Variants in HS3ST6 observed in about 807,000 individuals in gnomAD.
HS3ST6 encodes the protein heparan sulfate glucosamine 3-O-sulfotransferase 6.
HS3ST6 carries 13 observed loss-of-function variants against 11.0 expected under a neutral mutation model. The ratio of observed to expected loss-of-function variants is 1.18; its 90% CI spans 0.77 to 1.88. The LOEUF is 1.88. HS3ST6 is among the 40% of genes most tolerant of loss of function. HS3ST6 has a pLI of 0.00. For missense variants in HS3ST6, 541 were observed against 494.4 expected, an observed-to-expected ratio of 1.09 and a Z score of -0.89; for synonymous variants, 232 against 230.6, an observed-to-expected ratio of 1.01 and a Z score of -0.06.
At chr16:1,913,382 G>A (rs970279239) in intron 1 of HS3ST6, among the ~76,000 whole-genome samples, 1 of 152,190 alleles carries the variant, frequency 6.6e-6, no homozygotes, top group Non-Finnish European at 1.5e-5. Context: ...GCCGACCACA[G>A]CCCAGGACTG....
chr16:1,918,271 C>G lies in HS3ST6; in HGVS notation c.53G>C (p.Gly18Ala), dbSNP rs2082941164. The stretch of plus-strand genomic sequence containing the variant: ...CCGCAGAGCGGCCCCTTGCCCGGCC[C>G]CTGCGCCCTGGCCGCCCCCGGCCCC... ...GGGAGGGQGAGAGQGAALRAS... is the reference protein window; with the variant it reads ...GGGAGGGQGAAAGQGAALRAS... Residue 18 changes from glycine to alanine, a missense_variant, in exon 1 of 2, where the codon GGG becomes GCG. Transcript: ENST00000454677. This position sits in a 1 kb window ranked among gnomAD's most constrained non-coding sequence, Gnocchi z 6.0. The G allele has an allele frequency of 1.0e-6, 1 of 953,988 alleles. No individual in the cohort carries two copies. Among genetic ancestry groups the G allele is most frequent in the Admixed American group, 6.0e-5 (1 of 16,640 alleles). The allele number at this position is 953,988 out of a possible 1,614,324, so 59.1% of individuals were successfully genotyped here. A position where few individuals can be genotyped will look rare whatever the true frequency, so the allele number is the denominator to read the frequency against.
Position 1,911,692 on chromosome 16 carries a change from G to C in HS3ST6, c.927C>G (p.His309Gln), listed in dbSNP as rs754130268. 6.2e-7 allele frequency: 1 copy of C among 1,612,158 alleles called. No individual in the cohort carries two copies. The highest frequency in any genetic ancestry group is 1.1e-5 in the South Asian group (1 of 90,968). The change falls in exon 2 of 2, where the codon CAC becomes CAG. Residue 309 changes from histidine to glutamine, a missense_variant. Coordinates refer to ENST00000454677, the MANE Select transcript of HS3ST6 (RefSeq NM_001009606.4). ...RCLGKSKGRP[H>Q]PRVPQALVRR... ...GGACCAGGGCCTGGGGCACGCGTGG[G>C]TGTGGCCGGCCCTTGGACTTGCCCA... is the stretch of plus-strand genomic sequence containing the variant.
At position 1,911,681 on chromosome 16, in the gene HS3ST6, G is replaced by C. The variant is rs1359916694; in HGVS notation, c.938C>G (p.Pro313Arg). The C allele has an allele frequency of 6.2e-7, 1 of 1,611,620 alleles. No individual in the cohort carries two copies. Among genetic ancestry groups the C allele is most frequent in the African/African-American group, 1.3e-5 (1 of 74,884 alleles). ...KSKGRPHPRV[P>R]QALVRRLQEF... ...CTGCAGGCGCCGGACCAGGGCCTGGGGCACGCGTGGGTGTGGCCGGCCCTT... is the reference window on the plus strand; with the variant it reads ...CTGCAGGCGCCGGACCAGGGCCTGGCGCACGCGTGGGTGTGGCCGGCCCTT... Residue 313 changes from proline (P) to arginine (R), a missense_variant, in exon 2 of 2, where the codon CCC (proline) becomes CGC (arginine). Physicochemically the swap from Pro to Arg is moderately radical, Grantham distance 103. Coordinates refer to ENST00000454677, the MANE Select transcript of HS3ST6 (RefSeq NM_001009606.4).
In HS3ST6 at chr16:1,912,477, G is replaced by C. The variant is rs1434277179; in HGVS notation, c.414-272C>G. Among the ~76,000 whole-genome samples, 2 of 152,148 alleles carry C rather than the reference G, an allele frequency of 1.3e-5. No homozygotes were observed. Among genetic ancestry groups the C allele is most frequent in the African/African-American group, 2.4e-5 (1 of 41,434 alleles). The stretch of plus-strand genomic sequence containing the variant: ...TGCTGCACTGAGGATTAGGGTGACG[G>C]TCGCTGGTCGGGAGGCCCAAATGCT... On this transcript the variant is annotated intron_variant, in intron 1 of 1. Transcript: ENST00000454677. The surrounding 1 kb of genome is among the most constrained non-coding windows in gnomAD (Gnocchi z 5.6).
chr16:1,911,649 A>G lies in HS3ST6; in HGVS notation c.970T>C (p.Tyr324His), dbSNP rs1268274814. Residue 324 changes from tyrosine to histidine, a missense_variant, in exon 2 of 2, where the codon TAC (tyrosine) becomes CAC (histidine). Tyr to His is a moderately conservative substitution (Grantham distance 83). Transcript: ENST00000454677. ...TAGAACCTGCGGTTGAAGGGCCGGT[A>G]GAACTCCTGCAGGCGCCGGACCAGG... ...QALVRRLQEFYRPFNRRFYQM... is the reference protein window; with the variant it reads ...QALVRRLQEFHRPFNRRFYQM... The G allele has an allele frequency of 6.2e-7, 1 of 1,610,234 alleles. No individual in the cohort carries two copies. The highest frequency in any genetic ancestry group is 1.3e-5 in the African/African-American group (1 of 74,862).
chr16:1,919,073 GA>G (rs1180839501), upstream of HS3ST6, among the ~76,000 whole-genome samples: 2 of 152,228 alleles, frequency 1.3e-5, no homozygotes, highest in Non-Finnish European at 2.9e-5. Flanking sequence ...CAGGCTCAGA[GA>G]AAATAGGTTT....
upstream of HS3ST6, among the ~76,000 whole-genome samples, chr16:1,919,896 A>T (rs543992032): frequency 1.3e-5 from 2 of 152,332 alleles, no homozygotes; most frequent in South Asian, 2.1e-4. Context: ...ATGCTGGCTT[A>T]TGCTGGGTCA....
At chr16:1,914,383 C>T (rs576972446) in intron 1 of HS3ST6, among the ~76,000 whole-genome samples, 3 of 152,168 alleles carry the variant, frequency 2.0e-5, no homozygotes, top group Admixed American at 1.3e-4. Flanking sequence ...CCCCCCACCA[C>T]GGGACCTCGC....
At chr16:1,919,420 G>C (rs2082948963), upstream of HS3ST6, among the ~76,000 whole-genome samples, 1 of 151,984 alleles carries the variant, frequency 6.6e-6, no homozygotes, top group South Asian at 2.1e-4. Context: ...CAGGGGAGGC[G>C]AGCCGGGCTC....
Position 1,918,030 on chromosome 16 carries a change from C to G in HS3ST6, c.294G>C (p.Val98=). 2.0e-6 allele frequency: 3 copies of G among 1,531,078 alleles called. No homozygotes were observed. Among genetic ancestry groups the G allele is most frequent in the Non-Finnish European group, 2.6e-6 (3 of 1,146,780 alleles). The allele number at this position is 1,531,078 out of a possible 1,614,324, so 94.8% of individuals were successfully genotyped here. The part of the protein sequence containing the change: ...RRFPQALIVG[V]KKGGTRALLE... ...GCAGGGCGCGCGTGCCGCCCTTCTT[C>G]ACGCCAACGATGAGCGCTTGCGGGA... The change falls in exon 1 of 2, where the codon GTG becomes GTC. Residue 98 remains valine (V), a synonymous_variant. Transcript: ENST00000454677. This position sits in a 1 kb window ranked among gnomAD's most constrained non-coding sequence, Gnocchi z 6.0.
intron 1 of HS3ST6, among the ~76,000 whole-genome samples, chr16:1,916,488 T>C (rs1295697256): frequency 6.6e-6 from 1 of 151,170 alleles, no homozygotes; most frequent in Admixed American, 6.6e-5. Context: ...CCTCTCATCC[T>C]CCCCAAACTG....
upstream of HS3ST6, among the ~76,000 whole-genome samples, chr16:1,918,628 C>G (rs960341520): frequency 6.6e-6 from 1 of 152,002 alleles, no homozygotes. The surrounding 1 kb of genome is among the most constrained non-coding windows in gnomAD (Gnocchi z 6.0). Context: ...GGCCCTGGCT[C>G]GCTTGACTCC....
chr16:1,917,931 C>A lies in HS3ST6; in HGVS notation c.393G>T (p.Glu131Asp). ...SEPHFFDRCY[E>D]RGLAWYRSLM... Reference sequence around the variant, plus strand: ...CTCACCGGTACCAGGCGAGGCCGCGCTCGTAGCACCTGTCGAAGAAGTGGG... The same window carrying A: ...CTCACCGGTACCAGGCGAGGCCGCGATCGTAGCACCTGTCGAAGAAGTGGG... Residue 131 changes from glutamate to aspartate, a missense_variant, in exon 1 of 2, where the codon GAG (glutamate) becomes GAT (aspartate). Physicochemically the swap from Glu to Asp is conservative, Grantham distance 45 (BLOSUM62 2). Coordinates refer to ENST00000454677, the MANE Select transcript of HS3ST6 (RefSeq NM_001009606.4). The A allele has an allele frequency of 1.3e-6, 2 of 1,492,748 alleles. No homozygotes were observed. Among genetic ancestry groups the A allele is most frequent in the South Asian group, 1.3e-5 (1 of 78,464 alleles). The allele number at this position is 1,492,748 out of a possible 1,614,324, so 92.5% of individuals were successfully genotyped here.
intron 1 of HS3ST6, among the ~76,000 whole-genome samples, chr16:1,913,196 C>T (rs1441451831): frequency 6.6e-6 from 1 of 152,224 alleles, no homozygotes; most frequent in African/African-American, 2.4e-5. Context: ...TGAGGAAAGT[C>T]GGAGACGTGG....
upstream of HS3ST6, among the ~76,000 whole-genome samples, chr16:1,920,089 C>T (rs2082953342): frequency 1.3e-5 from 2 of 148,842 alleles, no homozygotes; most frequent in South Asian, 2.2e-4. Flanking sequence ...CTCAGCTGTC[C>T]CCAGGGTCTC....
chr16:1,912,098 G>C lies in HS3ST6; in HGVS notation c.521C>G (p.Thr174Arg), dbSNP rs1397336551. The C allele has an allele frequency of 2.0e-6, 3 of 1,507,744 alleles. No individual in the cohort carries two copies. The highest frequency in any genetic ancestry group is 1.4e-5 in the South Asian group (1 of 73,746). The allele number at this position is 1,507,744 out of a possible 1,614,324, so 93.4% of individuals were successfully genotyped here. A position where few individuals can be genotyped will look rare whatever the true frequency, so the allele number is the denominator to read the frequency against. ...PRRIHAMSPD[T>R]KLIVVVRNPV... ...GTTCCGCACCACCACGATCAGCTTC[G>C]TGTCCGGGGACATGGCGTGGATGCG... Residue 174 changes from threonine to arginine, a missense_variant, in exon 2 of 2, where the codon ACG becomes AGG. Coordinates refer to ENST00000454677, the MANE Select transcript of HS3ST6 (RefSeq NM_001009606.4). This position sits in a 1 kb window ranked among gnomAD's most constrained non-coding sequence, Gnocchi z 5.6.
chr16:1,913,850 C>T (rs2082908646), intron 1 of HS3ST6, among the ~76,000 whole-genome samples: 1 of 152,120 alleles, frequency 6.6e-6, no homozygotes, highest in Non-Finnish European at 1.5e-5. Context: ...GTGGAGAGCG[C>T]TGGAGGTGGG....
intron 1 of HS3ST6, among the ~76,000 whole-genome samples, chr16:1,913,111 G>A (rs1416757092): frequency 6.6e-6 from 1 of 152,186 alleles, no homozygotes; most frequent in African/African-American, 2.4e-5. Flanking sequence ...GTCTTTAACT[G>A]TAGCCCTGTG....
intron 1 of HS3ST6, among the ~76,000 whole-genome samples, chr16:1,917,092 T>G (rs1183201112): frequency 6.6e-6 from 1 of 151,932 alleles, no homozygotes; most frequent in Non-Finnish European, 1.5e-5. Flanking sequence ...AGTTAACAAA[T>G]AGGGGTAGGC....
Sources: allele counts gnomAD v4.1 joint callset (sites outside exome capture counted in the v4.1 genomes callset), GRCh38; gene constraint gnomAD v4.1.1; non-coding constraint Gnocchi (gnomAD v3.1); transcripts MANE v1.5; gene names NCBI Gene and HGNC (gene_info 2026-07-23, HGNC 2026-07-21).